Variants in WWOX observed in about 807,000 individuals in gnomAD.
WWOX encodes WW domain containing oxidoreductase.
WWOX carries 69 observed loss-of-function variants against 46.2 expected under a neutral mutation model. The ratio of observed to expected loss-of-function variants is 1.49; its 90% CI spans 1.23 to 1.82. WWOX has a LOEUF of 1.82. Ranked by LOEUF, WWOX falls within the 40% of genes most tolerant of loss-of-function variation. The pLI is 0.00. For missense variants in WWOX, 919 were observed against 542.6 expected, an observed-to-expected ratio of 1.69 and a Z score of -6.89; for synonymous variants, 359 against 202.6, an observed-to-expected ratio of 1.77 and a Z score of -6.56.
intron 8 of WWOX, among the ~76,000 whole-genome samples, chr16:78,870,853 C>G (rs368164052): frequency 6.6e-6 from 1 of 152,196 alleles, no homozygotes; most frequent in African/African-American, 2.4e-5. Flanking sequence ...CTGCCCACCT[C>G]AGCTTCCCAA....
chr16:78,258,932 T>C (rs549227219), intron 5 of WWOX, among the ~76,000 whole-genome samples: 41 of 152,296 alleles, frequency 2.7e-4, no homozygotes, highest in African/African-American at 9.4e-4. Flanking sequence ...GCTTTAAACA[T>C]GTGTTTGGCC....
At chr16:78,205,021 T>C (rs1210995019) in intron 5 of WWOX, among the ~76,000 whole-genome samples, 1 of 152,208 alleles carries the variant, frequency 6.6e-6, no homozygotes, top group African/African-American at 2.4e-5. Context: ...AATAAACTGT[T>C]TTGTTGAAGA....
intron 6 of WWOX, among the ~76,000 whole-genome samples, chr16:78,421,035 T>C (rs965204804): frequency 3.9e-5 from 6 of 152,200 alleles, no homozygotes; most frequent in Non-Finnish European, 8.8e-5. Flanking sequence ...AGATTGCTTC[T>C]AGTTCATATG....
At chr16:78,669,959 G>T (rs2047421190) in intron 8 of WWOX, among the ~76,000 whole-genome samples, 3 of 152,092 alleles carry the variant, frequency 2.0e-5, no homozygotes, top group Admixed American at 2.0e-4. Flanking sequence ...CAAAATGGTT[G>T]CCTTTTCTCC....
chr16:78,290,445 C>T (rs1567480528), intron 5 of WWOX, among the ~76,000 whole-genome samples: 1 of 152,116 alleles, frequency 6.6e-6, no homozygotes, highest in Non-Finnish European at 1.5e-5. Context: ...GGCATTGTTA[C>T]AGAGAACAGC....
intron 8 of WWOX, among the ~76,000 whole-genome samples, chr16:79,088,171 G>A (rs1247602695): frequency 2.0e-5 from 3 of 152,178 alleles, no homozygotes; most frequent in African/African-American, 7.2e-5. Flanking sequence ...ATGCCACTGG[G>A]CCTCAGCCAG....
intron 8 of WWOX, among the ~76,000 whole-genome samples, chr16:78,622,465 C>A (rs28463057): frequency 0.15 from 22,104 of 151,838 alleles, 1,875 homozygotes; most frequent in African/African-American, 0.22. Context: ...TCGCTTGAAC[C>A]CAGGAGACGG....
At chr16:79,031,328 T>C (rs994534965) in intron 8 of WWOX, among the ~76,000 whole-genome samples, 1 of 152,138 alleles carries the variant, frequency 6.6e-6, no homozygotes, top group African/African-American at 2.4e-5. Flanking sequence ...CACTGTCCCA[T>C]CCTGGCACTG....
chr16:78,376,511 T>C (rs1451168471), intron 5 of WWOX, among the ~76,000 whole-genome samples: 2 of 152,166 alleles, frequency 1.3e-5, no homozygotes, highest in African/African-American at 4.8e-5. Flanking sequence ...ACCAGTTTTA[T>C]TTTTGCAACT....
intron 8 of WWOX, among the ~76,000 whole-genome samples, chr16:78,778,192 C>T (rs960018943): frequency 6.6e-6 from 1 of 152,088 alleles, no homozygotes; most frequent in Admixed American, 6.6e-5. Context: ...TCAGGGTGTG[C>T]CTGATTTCCT....
intron 8 of WWOX, among the ~76,000 whole-genome samples, chr16:78,516,313 T>C (rs181707933): frequency 2.6e-5 from 4 of 152,288 alleles, no homozygotes; most frequent in Non-Finnish European, 4.4e-5. Flanking sequence ...TGCTGCTCTT[T>C]GCTTGGTTTT....
intron 8 of WWOX, among the ~76,000 whole-genome samples, chr16:78,531,157 T>C (rs72803918): frequency 0.085 from 12,953 of 151,988 alleles, 649 homozygotes; most frequent in East Asian, 0.12. Flanking sequence ...GTTCTCACAA[T>C]GTAGAAATTA....
chr16:79,168,610 A>G (rs978404156), intron 8 of WWOX, among the ~76,000 whole-genome samples: 4 of 151,742 alleles, frequency 2.6e-5, no homozygotes, highest in African/African-American at 9.7e-5. Flanking sequence ...GAGGGAGGCA[A>G]GAGAGTGATA....
intron 2 of WWOX, among the ~76,000 whole-genome samples, chr16:78,108,850 TGG>T (rs2032317772): frequency 6.6e-6 from 1 of 152,174 alleles, no homozygotes; most frequent in East Asian, 1.9e-4. Flanking sequence ...TAGCTGGGCA[TGG>T]TTGCATGCGC....
intron 8 of WWOX, among the ~76,000 whole-genome samples, chr16:79,031,851 A>G (rs1475328426): frequency 7.2e-6 from 1 of 139,824 alleles, no homozygotes; most frequent in Non-Finnish European, 1.5e-5. Flanking sequence ...CTTATTATAT[A>G]TTATATATAT....
intron 8 of WWOX, among the ~76,000 whole-genome samples, chr16:79,096,556 C>G (rs1193229306): frequency 6.6e-6 from 1 of 152,162 alleles, no homozygotes; most frequent in Non-Finnish European, 1.5e-5. Context: ...GAAGCCTTCT[C>G]TAGATACCAT....
intron 8 of WWOX, among the ~76,000 whole-genome samples, chr16:78,670,272 CCTTGGATG>C (rs1236459343): frequency 2.0e-5 from 3 of 152,098 alleles, no homozygotes; most frequent in African/African-American, 7.2e-5. Context: ...AGGGTCATAT[CCTTGGATG>C]TTTTTCTGTG....
At chr16:78,883,375 C>T (rs577856776) in intron 8 of WWOX, among the ~76,000 whole-genome samples, 5 of 152,092 alleles carry the variant, frequency 3.3e-5, no homozygotes, top group East Asian at 1.9e-4. Flanking sequence ...GTGGGAAACT[C>T]GTGAAATCCT....
At chr16:78,886,193 C>T (rs2044453711) in intron 8 of WWOX, among the ~76,000 whole-genome samples, 1 of 149,640 alleles carries the variant, frequency 6.7e-6, no homozygotes, top group South Asian at 2.1e-4. Flanking sequence ...CCAAAGTGCT[C>T]GGATTACAGG....
Sources: gnomAD v4.1 joint callset for allele counts (sites outside exome capture counted in the v4.1 genomes callset) on GRCh38, gnomAD v4.1.1 for gene constraint, MANE v1.5 for transcripts, NCBI Gene and HGNC (gene_info 2026-07-23, HGNC 2026-07-21) for gene names.